Variants in HSD17B12 observed in about 807,000 individuals in gnomAD.
The protein encoded by HSD17B12 is very-long-chain 3-oxoacyl-CoA reductase.
Under a neutral mutation model 39.3 loss-of-function variants are expected in HSD17B12, and 32 were observed. That is an observed-to-expected ratio of 0.81 (90% CI 0.61 to 1.09). The LOEUF (loss-of-function observed/expected upper bound fraction) is 1.09, where lower values mean the gene tolerates loss of function less well. Ranked by LOEUF, HSD17B12 falls within the 50% of genes least tolerant of loss-of-function variation. The probability of loss-of-function intolerance (pLI) is 0.00; values close to 1 mark genes in which losing one functional copy is unlikely to be tolerated. For synonymous variants in HSD17B12, 150 were observed against 146.7 expected (o/e 1.02, Z -0.16); for missense variants, 342 against 382.9 (o/e 0.89, Z 0.89).
intron 1 of HSD17B12, among the ~76,000 whole-genome samples, chr11:43,747,288 T>C (rs1294754911): frequency 6.6e-6 from 1 of 152,188 alleles, no homozygotes; most frequent in Non-Finnish European, 1.5e-5. Context: ...TAAAGTGCCA[T>C]AGACTTAAAG....
the HSD17B12 span, among the ~76,000 whole-genome samples, chr11:43,579,932 G>A: frequency 6.6e-6 from 1 of 152,048 alleles, no homozygotes; most frequent in East Asian, 2.0e-4. Context: ...AACAAATATG[G>A]CAACTTTCCC....
chr11:43,742,029 C>G (rs1002023863), intron 1 of HSD17B12, among the ~76,000 whole-genome samples: 1 of 148,736 alleles, frequency 6.7e-6, no homozygotes, highest in Admixed American at 6.7e-5. Context: ...CCACCGCGCC[C>G]GGCAACTGAG....
chr11:43,810,871 A>C (rs543425139), intron 4 of HSD17B12, among the ~76,000 whole-genome samples: 1 of 152,336 alleles, frequency 6.6e-6, no homozygotes, highest in East Asian at 1.9e-4. Flanking sequence ...TCAAGAATTC[A>C]AGAAAACTCA....
chr11:43,631,634 G>A, the HSD17B12 span, among the ~76,000 whole-genome samples: 2 of 118,038 alleles, frequency 1.7e-5, no homozygotes, highest in East Asian at 5.2e-4. Context: ...TCTGTCTGTC[G>A]CTCTCTGTCT....
chr11:43,574,878 C>A, the HSD17B12 span, among the ~76,000 whole-genome samples: 1 of 152,320 alleles, frequency 6.6e-6, no homozygotes, highest in Middle Eastern at 3.4e-3. Context: ...ATTTTCTCCT[C>A]CTCCTACCAT....
At chr11:43,568,084 T>A in the HSD17B12 span, among the ~76,000 whole-genome samples, 31 of 152,242 alleles carry the variant, frequency 2.0e-4, no homozygotes, top group African/African-American at 7.5e-4. Context: ...GTTTTTTTAT[T>A]CTTTTAATTT....
the HSD17B12 span, among the ~76,000 whole-genome samples, chr11:43,586,197 C>G: frequency 6.6e-6 from 1 of 152,140 alleles, no homozygotes; most frequent in Non-Finnish European, 1.5e-5. Context: ...TTTGAAAAGA[C>G]TGACACCCCA....
At chr11:43,785,222 A>G (rs1267766199) in intron 3 of HSD17B12, among the ~76,000 whole-genome samples, 1 of 152,160 alleles carries the variant, frequency 6.6e-6, no homozygotes, top group African/African-American at 2.4e-5. Flanking sequence ...TAGTGTGTGT[A>G]CAGTGGGGAC....
intron 4 of HSD17B12, among the ~76,000 whole-genome samples, chr11:43,804,075 CT>C (rs1950996274): frequency 6.6e-6 from 1 of 152,238 alleles, no homozygotes; most frequent in South Asian, 2.1e-4. Context: ...ACAGACAATA[CT>C]TTTTTCAAAT....
At chr11:43,798,774 T>C (rs1171359313) in intron 4 of HSD17B12, among the ~76,000 whole-genome samples, 2 of 152,208 alleles carry the variant, frequency 1.3e-5, no homozygotes, top group Non-Finnish European at 2.9e-5. Context: ...GTATAGCTTA[T>C]GCGCATCCTT....
chr11:43,775,758 C>A (rs369414156), intron 3 of HSD17B12, among the ~76,000 whole-genome samples: 5 of 142,764 alleles, frequency 3.5e-5, no homozygotes, highest in Non-Finnish European at 6.1e-5. Context: ...TCCCTCCCCC[C>A]TCCCCCGATC....
the HSD17B12 span, among the ~76,000 whole-genome samples, chr11:43,655,949 A>T: frequency 2.0e-5 from 3 of 152,078 alleles, no homozygotes; most frequent in Non-Finnish European, 2.9e-5. Context: ...TTCCTCTTTT[A>T]CTATTGATTG....
chr11:43,804,201 T>A (rs1025382070), intron 4 of HSD17B12, among the ~76,000 whole-genome samples: 2 of 152,216 alleles, frequency 1.3e-5, no homozygotes, highest in African/African-American at 4.8e-5. Flanking sequence ...CAACCATAGC[T>A]TTATTTAAGC....
the HSD17B12 span, among the ~76,000 whole-genome samples, chr11:43,607,115 A>G: frequency 6.6e-6 from 1 of 152,120 alleles, no homozygotes; most frequent in Admixed American, 6.5e-5. Flanking sequence ...CTTAATTGTT[A>G]TTGTGTTGAG....
At chr11:43,682,454 A>C (rs1565046091) in intron 1 of HSD17B12, among the ~76,000 whole-genome samples, 1 of 151,470 alleles carries the variant, frequency 6.6e-6, no homozygotes, top group Non-Finnish European at 1.5e-5. Context: ...AGGCAAGAGA[A>C]TCGCTTGAAC....
intron 3 of HSD17B12, among the ~76,000 whole-genome samples, chr11:43,779,310 A>G (rs936815205): frequency 2.0e-5 from 3 of 152,242 alleles, no homozygotes; most frequent in African/African-American, 7.2e-5. Flanking sequence ...ATAGGCATTA[A>G]TTTGACTGAT....
chr11:43,708,459 A>G (rs899841652), intron 1 of HSD17B12, among the ~76,000 whole-genome samples: 1 of 152,220 alleles, frequency 6.6e-6, no homozygotes, highest in African/African-American at 2.4e-5. Context: ...AAGAAAAGGC[A>G]GCTGTGAATG....
chr11:43,766,121 G>A (rs886387234), intron 3 of HSD17B12, among the ~76,000 whole-genome samples: 13 of 152,184 alleles, frequency 8.5e-5, no homozygotes, highest in African/African-American at 2.2e-4. Context: ...CACCGTGCCC[G>A]GCCTCGCCTT....
intron 1 of HSD17B12, chr11:43,681,261 T>C (rs1949741674): frequency 2.6e-6 from 2 of 770,754 alleles, no homozygotes; most frequent in South Asian, 6.9e-5. Flanking sequence ...CTTAAGTCTC[T>C]GGGGCTTGTG....
Sources: allele counts gnomAD v4.1 joint callset (sites outside exome capture counted in the v4.1 genomes callset), GRCh38; gene constraint gnomAD v4.1.1; transcripts MANE v1.5; gene names NCBI Gene and HGNC (gene_info 2026-07-23, HGNC 2026-07-21).